MCC: variants seen among roughly 807,000 people sequenced by gnomAD.
The protein encoded by MCC is colorectal mutant cancer protein.
Under a neutral mutation model 116.2 loss-of-function variants are expected in MCC, and 90 were observed. The ratio of observed to expected loss-of-function variants is 0.77; its 90% CI spans 0.65 to 0.92. The LOEUF is 0.92. MCC is among the 40% of genes least tolerant of loss of function. The pLI, the probability that MCC is intolerant of heterozygous loss-of-function variation, is 0.00. For synonymous variants in MCC, 578 were observed against 510.5 expected, an observed-to-expected ratio of 1.13 and a Z score of -1.78; for missense variants, 1,516 against 1,312.2, an observed-to-expected ratio of 1.16 and a Z score of -2.40.
chr5:113,049,359 G>T, intron 15 of MCC, 60 bp from the exon 16 acceptor site: 1 of 1,418,424 alleles, frequency 7.1e-7, no homozygotes, highest in Non-Finnish European at 9.5e-7. Flanking sequence ...AGGCCTGGCT[G>T]CTGCCAAGTG....
At chr5:113,039,521 G>A (rs1217013719) in intron 17 of MCC, among the ~76,000 whole-genome samples, 4 of 152,164 alleles carry the variant, frequency 2.6e-5, no homozygotes, top group African/African-American at 9.7e-5. Flanking sequence ...TCACTGCCCA[G>A]ACCAGCCACA....
intron 2 of MCC, among the ~76,000 whole-genome samples, chr5:113,374,188 A>G (rs1273780747): frequency 2.0e-5 from 3 of 150,064 alleles, no homozygotes; most frequent in Non-Finnish European, 4.4e-5. Flanking sequence ...CACGGTGCCC[A>G]GCCTGGGGCT....
intron 8 of MCC, among the ~76,000 whole-genome samples, chr5:113,085,935 C>T (rs1755173821): frequency 6.6e-6 from 1 of 152,190 alleles, no homozygotes; most frequent in South Asian, 2.1e-4. Flanking sequence ...AGCGATTCTC[C>T]CACCTCAGCC....
chr5:113,470,242 T>C (rs1772046019), intron 1 of MCC, among the ~76,000 whole-genome samples: 1 of 152,208 alleles, frequency 6.6e-6, no homozygotes, highest in African/African-American at 2.4e-5. Context: ...AGCTGGTTAT[T>C]TTGCTCGTTA....
chr5:113,323,464 G>A (rs1346327377), intron 3 of MCC, among the ~76,000 whole-genome samples: 1 of 152,140 alleles, frequency 6.6e-6, no homozygotes, highest in Non-Finnish European at 1.5e-5. Context: ...AGCCAGCTCT[G>A]GGGTGGAAGG....
chr5:113,401,510 T>C (rs1580333797), intron 1 of MCC, among the ~76,000 whole-genome samples: 1 of 152,208 alleles, frequency 6.6e-6, no homozygotes, highest in Non-Finnish European at 1.5e-5. Flanking sequence ...CTCAATCCTC[T>C]GTCCCTTGGT....
At chr5:113,160,551 AAT>A (rs1760426455) in intron 3 of MCC, among the ~76,000 whole-genome samples, 1 of 152,224 alleles carries the variant, frequency 6.6e-6, no homozygotes, top group African/African-American at 2.4e-5. Flanking sequence ...ACAGAGCCAG[AAT>A]GAAAGCCCAG....
At chr5:113,351,258 C>G (rs1768261343) in intron 2 of MCC, among the ~76,000 whole-genome samples, 5 of 152,076 alleles carry the variant, frequency 3.3e-5, no homozygotes, top group Admixed American at 2.6e-4. Flanking sequence ...CAGCACTATT[C>G]ACAATAACCA....
chr5:113,187,133 A>G (rs949451540), intron 3 of MCC, among the ~76,000 whole-genome samples: 1 of 152,158 alleles, frequency 6.6e-6, no homozygotes, highest in African/African-American at 2.4e-5. Context: ...CCTATAGTTT[A>G]TCCTCCACTC....
chr5:113,052,336 T>C (rs1752538719), intron 15 of MCC, among the ~76,000 whole-genome samples: 1 of 152,082 alleles, frequency 6.6e-6, no homozygotes, highest in Non-Finnish European at 1.5e-5. Flanking sequence ...GTCGCTACAA[T>C]GATGGACCCA....
chr5:113,200,367 G>C (rs570298304), intron 3 of MCC, among the ~76,000 whole-genome samples: 2 of 152,310 alleles, frequency 1.3e-5, no homozygotes, highest in East Asian at 3.9e-4. Context: ...GGAGGGCTCA[G>C]GACAGCAGCT....
At chr5:113,414,070 A>T (rs985269132) in intron 1 of MCC, among the ~76,000 whole-genome samples, 2 of 152,162 alleles carry the variant, frequency 1.3e-5, no homozygotes, top group African/African-American at 4.8e-5. Flanking sequence ...GTTTCCATGT[A>T]GTTGTGCGGT....
chr5:113,112,415 C>G (rs1332831313), intron 6 of MCC, among the ~76,000 whole-genome samples: 2 of 152,030 alleles, frequency 1.3e-5, no homozygotes, highest in Non-Finnish European at 2.9e-5. Flanking sequence ...GTAGCACCTC[C>G]CCTTTCTCTC....
chr5:113,305,157 GC>G (rs1011929166), intron 3 of MCC, among the ~76,000 whole-genome samples: 11 of 152,158 alleles, frequency 7.2e-5, no homozygotes, highest in African/African-American at 2.7e-4. Context: ...TTCATGAAGT[GC>G]CCATGGATGG....
At chr5:113,195,181 C>A (rs914906206) in intron 3 of MCC, among the ~76,000 whole-genome samples, 8 of 152,338 alleles carry the variant, frequency 5.3e-5, no homozygotes, top group African/African-American at 1.7e-4. Context: ...CAGCAATGGA[C>A]CTCGTGAGGG....
chr5:113,453,626 G>A (rs1771460870), intron 1 of MCC, among the ~76,000 whole-genome samples: 1 of 152,266 alleles, frequency 6.6e-6, no homozygotes, highest in East Asian at 1.9e-4. Flanking sequence ...CTTTACAGCT[G>A]ACTCCCAGCT....
chr5:113,379,956 A>G (rs902800879), intron 2 of MCC, among the ~76,000 whole-genome samples: 5 of 152,224 alleles, frequency 3.3e-5, no homozygotes, highest in African/African-American at 1.2e-4. Context: ...AGTTTAACCC[A>G]AAGTTTTCAC....
At chr5:113,215,121 A>G (rs956225416) in intron 3 of MCC, among the ~76,000 whole-genome samples, 1 of 152,206 alleles carries the variant, frequency 6.6e-6, no homozygotes, top group Non-Finnish European at 1.5e-5. Flanking sequence ...GTTTGGGCTC[A>G]GCTATCACTT....
intron 2 of MCC, among the ~76,000 whole-genome samples, chr5:113,379,089 G>A (rs1286270801): frequency 6.6e-6 from 1 of 152,228 alleles, no homozygotes. Flanking sequence ...ATTGCCCTCA[G>A]ACCCTGCCTC....
Sources: gnomAD v4.1 joint callset for allele counts (sites outside exome capture counted in the v4.1 genomes callset) on GRCh38, gnomAD v4.1.1 for gene constraint, MANE v1.5 for transcripts, NCBI Gene and HGNC (gene_info 2026-07-23, HGNC 2026-07-21) for gene names.